HERC1: variants seen among roughly 807,000 people sequenced by gnomAD.
HERC1 encodes the protein probable E3 ubiquitin-protein ligase HERC1.
HERC1 carries 160 observed loss-of-function variants against 554.3 expected under a neutral mutation model. That is an observed-to-expected ratio of 0.29 (90% CI 0.25 to 0.33). The LOEUF is 0.33. Among genes scored for constraint, HERC1 ranks in the 10% least tolerant of loss-of-function variants. HERC1 has a pLI of 1.00. For synonymous variants in HERC1, 2,175 were observed against 2,131.7 expected (o/e 1.02, Z -0.56); for missense variants, 4,919 against 5,918.5 (o/e 0.83, Z 5.54).
At chr15:63,785,531 G>A (rs1334050393) in intron 1 of HERC1, among the ~76,000 whole-genome samples, 1 of 152,162 alleles carries the variant, frequency 6.6e-6, no homozygotes, top group African/African-American at 2.4e-5. Context: ...GGCTTTGGGA[G>A]GCCAAGGTGG....
intron 1 of HERC1, among the ~76,000 whole-genome samples, chr15:63,828,393 G>A (rs1177888229): frequency 6.6e-6 from 1 of 151,726 alleles, no homozygotes; most frequent in East Asian, 1.9e-4. Flanking sequence ...AGGCTGCAGT[G>A]CAATGGCGTG....
At chr15:63,824,911 T>C (rs1187091140) in intron 1 of HERC1, among the ~76,000 whole-genome samples, 3 of 148,150 alleles carry the variant, frequency 2.0e-5, no homozygotes, top group African/African-American at 5.0e-5. Flanking sequence ...GTCAAATACA[T>C]AGAAACAGAG....
intron 26 of HERC1, among the ~76,000 whole-genome samples, chr15:63,698,462 A>G (rs2072548530): frequency 1.3e-5 from 2 of 152,000 alleles, no homozygotes; most frequent in South Asian, 4.2e-4. Context: ...ATTGTCATCA[A>G]CTAGTCTCAC....
chr15:63,613,098 T>A (rs1216773676), intron 76 of HERC1, among the ~76,000 whole-genome samples: 2 of 152,200 alleles, frequency 1.3e-5, no homozygotes, highest in Non-Finnish European at 2.9e-5. Context: ...AAGTCCTTCT[T>A]TAGGAAGGCA....
chr15:63,633,607 C>T (rs967493486), intron 67 of HERC1, among the ~76,000 whole-genome samples: 17 of 152,186 alleles, frequency 1.1e-4, no homozygotes, highest in Admixed American at 4.6e-4. Context: ...AGTGTGAAAC[C>T]CATTTTTGGA....
rs749217325 is a variant in HERC1, at chr15:63,694,748, T to C, written c.5242+26A>G. ...TCGGGCTAAAATGTAACCTGCACTG[T>C]ACATTTGCAGGAACCGTTTACTTAC... On this transcript the variant is annotated intron_variant, in intron 28 of 77. Transcript: ENST00000443617. This position sits in a 1 kb window ranked among gnomAD's most constrained non-coding sequence, Gnocchi z 4.3. 6.2e-7 allele frequency: 1 copy of C among 1,613,656 alleles called. No individual in the cohort carries two copies. Among genetic ancestry groups the C allele is most frequent in the African/African-American group, 1.3e-5 (1 of 74,924 alleles).
intron 31 of HERC1, among the ~76,000 whole-genome samples, chr15:63,691,572 T>C (rs1217437310): frequency 6.6e-6 from 1 of 152,054 alleles, no homozygotes; most frequent in African/African-American, 2.4e-5. Context: ...ATAAGATCAG[T>C]TGAAAATAAA....
Position 63,749,597 on chromosome 15 carries a change from T to G in HERC1, c.2047+50A>C, listed in dbSNP as rs753945402. The G allele has an allele frequency of 8.2e-6, 13 of 1,580,532 alleles. No homozygotes were observed. In the South Asian group the frequency reaches 1.5e-4, roughly 18 times the overall value. On this transcript the variant is annotated intron_variant, in intron 9 of 77. Transcript: ENST00000443617. This position sits in a 1 kb window ranked among gnomAD's most constrained non-coding sequence, Gnocchi z 4.1. ...AAAGCCAAATTCAAATGTAATATAT[T>G]TACACAAGACAACAGTTAATACTAT...
intron 27 of HERC1, among the ~76,000 whole-genome samples, chr15:63,695,755 CA>C (rs11294857): frequency 0.13 from 19,332 of 152,160 alleles, 1,339 homozygotes; most frequent in Middle Eastern, 0.17. Flanking sequence ...ATAAAGATAA[CA>C]TTTTTTTCTA....
intron 14 of HERC1, among the ~76,000 whole-genome samples, chr15:63,729,923 G>A (rs912550275): frequency 5.9e-5 from 9 of 151,322 alleles, no homozygotes; most frequent in African/African-American, 2.2e-4. Context: ...TACCGGGGAG[G>A]CTGAGGCAGG....
chr15:63,698,911 A>G lies in HERC1; in HGVS notation c.4722T>C (p.Tyr1574=). 6.2e-7 allele frequency: 1 copy of G among 1,613,928 alleles called. No homozygotes were observed. The highest frequency in any genetic ancestry group is 8.5e-7 in the Non-Finnish European group (1 of 1,179,790). Residue 1574 remains tyrosine (Y), a synonymous_variant, in exon 26 of 78, where the codon TAT becomes TAC. Coordinates refer to ENST00000443617, the MANE Select transcript of HERC1 (RefSeq NM_003922.4). ...HSRDWLCNSS[Y]SFESDFDLTK... ...TAAGATCAAAATCTGACTCAAAGGAATAGGAGGAGTTGCATAACCAGTCTC... is the reference window on the plus strand; with the variant it reads ...TAAGATCAAAATCTGACTCAAAGGAGTAGGAGGAGTTGCATAACCAGTCTC...
At chr15:63,682,258 G>T (rs1178507092) in intron 34 of HERC1, among the ~76,000 whole-genome samples, 1 of 152,118 alleles carries the variant, frequency 6.6e-6, no homozygotes, top group Non-Finnish European at 1.5e-5. Flanking sequence ...CAAGAGAGTT[G>T]GTTTGCTACC....
intron 1 of HERC1, among the ~76,000 whole-genome samples, chr15:63,804,715 G>A (rs1412670395): frequency 6.6e-6 from 1 of 152,082 alleles, no homozygotes; most frequent in African/African-American, 2.4e-5. Context: ...AATGAGACGT[G>A]TATCAAGAAT....
At chr15:63,771,767 A>G (rs1045618293) in intron 2 of HERC1, among the ~76,000 whole-genome samples, 4 of 152,064 alleles carry the variant, frequency 2.6e-5, no homozygotes, top group African/African-American at 4.8e-5. Context: ...CTCTGCCCCA[A>G]TAAGGAGCTA....
chr15:63,663,152 T>G lies in HERC1; in HGVS notation c.8733A>C (p.Gly2911=). ...CCCCTGGGTCTTGCTGCAAAGATAT[T>G]CCTTCTCTCCGACTTTGATTCCTGT... ...QAHRNQSRRE[G]ISLQQDPGAL... The change falls in exon 44 of 78, where the codon GGA becomes GGC. Residue 2911 remains glycine (G), a synonymous_variant. Coordinates refer to ENST00000443617, the MANE Select transcript of HERC1 (RefSeq NM_003922.4). 1 of 1,614,032 alleles carries G rather than the reference T, an allele frequency of 6.2e-7. No homozygotes were observed. The highest frequency in any genetic ancestry group is 1.3e-5 in the African/African-American group (1 of 75,054).
intron 64 of HERC1, 128 bp downstream of exon 64, chr15:63,637,377 G>T: frequency 1.3e-6 from 1 of 764,100 alleles, no homozygotes; most frequent in East Asian, 2.7e-5. Flanking sequence ...CCTAAATAAG[G>T]ATTTAAATGT....
At chr15:63,786,972 G>T (rs1171409494) in intron 1 of HERC1, among the ~76,000 whole-genome samples, 3 of 145,992 alleles carry the variant, frequency 2.1e-5, no homozygotes, top group African/African-American at 5.1e-5. Context: ...TTGCCCAGTC[G>T]GTAGTGCAAT....
At chr15:63,701,697 G>C (rs1027535189) in intron 25 of HERC1, among the ~76,000 whole-genome samples, 1 of 151,964 alleles carries the variant, frequency 6.6e-6, no homozygotes, top group South Asian at 2.1e-4. Flanking sequence ...ATTAAGAACA[G>C]GAAACACACT....
chr15:63,703,615 C>T (rs998113518), intron 25 of HERC1, among the ~76,000 whole-genome samples: 1 of 152,142 alleles, frequency 6.6e-6, no homozygotes, highest in African/African-American at 2.4e-5. Context: ...TGGCCAGGCA[C>T]GGTGGCTCAT....
Sources: allele counts gnomAD v4.1 joint callset (sites outside exome capture counted in the v4.1 genomes callset), GRCh38; gene constraint gnomAD v4.1.1; non-coding constraint Gnocchi (gnomAD v3.1); transcripts MANE v1.5; gene names NCBI Gene and HGNC (gene_info 2026-07-23, HGNC 2026-07-21).